The following LRMDA variants were observed in gnomAD, a reference collection of about 807,000 sequenced individuals.
LRMDA encodes the protein leucine-rich melanocyte differentiation-associated protein.
Under a neutral mutation model 29.8 loss-of-function variants are expected in LRMDA, and 18 were observed. That is an observed-to-expected ratio of 0.60 (90% CI 0.42 to 0.90). LRMDA has a LOEUF of 0.90. Among genes scored for constraint, LRMDA ranks in the 40% least tolerant of loss-of-function variants. The pLI is 0.00. For synonymous variants in LRMDA, 125 were observed against 109.4 expected (o/e 1.14, Z -0.89); for missense variants, 273 against 273.9 (o/e 1.00, Z 0.02).
intron 5 of LRMDA, among the ~76,000 whole-genome samples, chr10:76,188,663 G>T (rs1026420124): frequency 2.0e-5 from 3 of 152,070 alleles, no homozygotes; most frequent in Admixed American, 6.5e-5. Context: ...TCTGGGCCAT[G>T]TGTAGATTTG....
At chr10:75,656,926 T>C (rs1841683256) in intron 2 of LRMDA, among the ~76,000 whole-genome samples, 2 of 152,294 alleles carry the variant, frequency 1.3e-5, no homozygotes, top group Admixed American at 1.3e-4. Context: ...TATTAAAGTG[T>C]TTAAAGCGGC....
chr10:76,104,046 TA>T (rs751246540), intron 5 of LRMDA, among the ~76,000 whole-genome samples: 646 of 136,690 alleles, frequency 4.7e-3, no homozygotes, highest in East Asian at 0.014. Context: ...AGACTCTATC[TA>T]AAAAAAAAAA....
intron 5 of LRMDA, among the ~76,000 whole-genome samples, chr10:76,073,781 G>A (rs1848913013): frequency 6.6e-6 from 1 of 152,182 alleles, no homozygotes; most frequent in African/African-American, 2.4e-5. Context: ...ACATTTCCAA[G>A]ACCTTCTTTG....
intron 2 of LRMDA, among the ~76,000 whole-genome samples, chr10:75,781,995 G>T (rs1433540724): frequency 6.6e-6 from 1 of 152,182 alleles, no homozygotes; most frequent in Non-Finnish European, 1.5e-5. Context: ...TCCCTCTGTG[G>T]GGAATGTGTT....
At chr10:76,293,271 A>G (rs1446228745) in intron 5 of LRMDA, among the ~76,000 whole-genome samples, 1 of 152,180 alleles carries the variant, frequency 6.6e-6, no homozygotes, top group Non-Finnish European at 1.5e-5. Flanking sequence ...CTGACCCACC[A>G]TGCCCAGCCT....
At chr10:75,677,748 T>C (rs1170004876) in intron 2 of LRMDA, among the ~76,000 whole-genome samples, 1 of 152,168 alleles carries the variant, frequency 6.6e-6, no homozygotes, top group Non-Finnish European at 1.5e-5. Flanking sequence ...GGATTTTGGC[T>C]TGGAGTCTTA....
intron 5 of LRMDA, among the ~76,000 whole-genome samples, chr10:76,139,445 A>G (rs910410442): frequency 1.2e-4 from 18 of 152,110 alleles, no homozygotes; most frequent in African/African-American, 4.1e-4. Flanking sequence ...ACAGACGCAC[A>G]TGCTTACTTA....
At position 75,438,443 on chromosome 10, in the gene LRMDA, G is replaced by T; in HGVS notation, c.80G>T (p.Arg27Met). The T allele has an allele frequency of 6.4e-7, 1 of 1,550,978 alleles. No homozygotes were observed. Among genetic ancestry groups the T allele is most frequent in the Admixed American group, 2.0e-5 (1 of 51,006 alleles). Reference protein sequence around the residue: ...DCREIPEHLGRDCGHFAKRLD... With the variant: ...DCREIPEHLGMDCGHFAKRLD... The stretch of plus-strand genomic sequence containing the variant: ...AGAGAAATTCCAGAGCACCTTGGCA[G>T]GGACTGTGGACATTTCGCAAAGAGG... The change falls in exon 2 of 7, where the codon AGG becomes ATG. Residue 27 changes from arginine to methionine, a missense_variant. By Grantham distance (91) the Arg-to-Met change is moderately conservative. Coordinates refer to ENST00000611255, the MANE Select transcript of LRMDA (RefSeq NM_001305581.2).
chr10:76,531,599 G>A (rs1422313743), intron 6 of LRMDA, among the ~76,000 whole-genome samples: 1 of 151,672 alleles, frequency 6.6e-6, no homozygotes, highest in Admixed American at 6.6e-5. Context: ...ATTTATTTTT[G>A]AATATTGAAC....
At chr10:76,424,311 C>T (rs371507467) in intron 6 of LRMDA, among the ~76,000 whole-genome samples, 13 of 151,982 alleles carry the variant, frequency 8.6e-5, no homozygotes, top group East Asian at 3.9e-4. Context: ...GGTAGGACCA[C>T]GAGGTCAGGA....
intron 5 of LRMDA, among the ~76,000 whole-genome samples, chr10:76,154,014 A>C (rs1323277726): frequency 6.6e-6 from 1 of 152,220 alleles, no homozygotes; most frequent in African/African-American, 2.4e-5. Flanking sequence ...ACCTGCATGA[A>C]AAGAGATAGG....
chr10:75,817,361 A>G (rs576068804), intron 2 of LRMDA, among the ~76,000 whole-genome samples: 2 of 152,368 alleles, frequency 1.3e-5, no homozygotes, highest in South Asian at 4.1e-4. Flanking sequence ...CATCTGAGAT[A>G]GGATGATCAT....
intron 6 of LRMDA, among the ~76,000 whole-genome samples, chr10:76,504,105 C>A (rs1842937438): frequency 6.6e-6 from 1 of 151,764 alleles, no homozygotes; most frequent in Non-Finnish European, 1.5e-5. Flanking sequence ...TACTGAGGAG[C>A]AAGTTGTTTA....
chr10:75,799,746 A>G (rs112527897), intron 2 of LRMDA, among the ~76,000 whole-genome samples: 1 of 149,838 alleles, frequency 6.7e-6, no homozygotes, highest in African/African-American at 2.5e-5. Flanking sequence ...GGGTTTCAGC[A>G]TGTTGACCAG....
At chr10:76,242,896 T>C (rs73286964) in intron 5 of LRMDA, among the ~76,000 whole-genome samples, 2,124 of 152,306 alleles carry the variant, frequency 0.014, 56 homozygotes, top group African/African-American at 0.047. Flanking sequence ...TCCTACTGGT[T>C]TTCTCTCAGA....
chr10:75,612,893 G>A (rs1177011120), intron 2 of LRMDA, among the ~76,000 whole-genome samples: 1 of 151,886 alleles, frequency 6.6e-6, no homozygotes, highest in African/African-American at 2.4e-5. Context: ...AAAAAAAAAT[G>A]GAAGGTTGAG....
At chr10:76,423,618 A>G (rs1035838123) in intron 6 of LRMDA, among the ~76,000 whole-genome samples, 5 of 152,202 alleles carry the variant, frequency 3.3e-5, no homozygotes, top group African/African-American at 1.2e-4. Flanking sequence ...TAAAATAATT[A>G]AAAATTAATA....
chr10:76,319,879 G>A (rs1261773299), intron 5 of LRMDA, among the ~76,000 whole-genome samples: 1 of 152,120 alleles, frequency 6.6e-6, no homozygotes, highest in African/African-American at 2.4e-5. Flanking sequence ...GGTCTTAGAT[G>A]GTATTTTGTG....
chr10:75,865,562 G>A (rs1315364306), intron 2 of LRMDA, among the ~76,000 whole-genome samples: 1 of 152,088 alleles, frequency 6.6e-6, no homozygotes, highest in East Asian at 1.9e-4. Context: ...TTAAAGAAAA[G>A]GATGTTATCT....
Sources: gnomAD v4.1 joint callset for allele counts (sites outside exome capture counted in the v4.1 genomes callset) on GRCh38, gnomAD v4.1.1 for gene constraint, MANE v1.5 for transcripts, NCBI Gene and HGNC (gene_info 2026-07-23, HGNC 2026-07-21) for gene names.